The following ZFYVE26 variants were observed in gnomAD, a reference collection of about 807,000 sequenced individuals.
The protein encoded by ZFYVE26 is zinc finger FYVE-type containing 26.
In ZFYVE26, 181 loss-of-function variants were observed where a neutral mutation model predicts 276.5. The ratio of observed to expected loss-of-function variants is 0.65; its 90% CI spans 0.58 to 0.74. ZFYVE26 has a LOEUF of 0.74. ZFYVE26 is among the 30% of genes least tolerant of loss of function. ZFYVE26 has a pLI of 0.00. For missense variants in ZFYVE26, 2,821 were observed against 3,097.9 expected, an observed-to-expected ratio of 0.91 and a Z score of 2.12; for synonymous variants, 1,129 against 1,203.1, an observed-to-expected ratio of 0.94 and a Z score of 1.27.
chr14:67,794,231 C>A lies in ZFYVE26; in HGVS notation c.2341G>T (p.Asp781Tyr). 1 of 1,614,160 alleles carries A rather than the reference C, an allele frequency of 6.2e-7. No individual in the cohort carries two copies. Among genetic ancestry groups the A allele is most frequent in the Non-Finnish European group, 8.5e-7 (1 of 1,179,972 alleles). ...TCCAGGGATGGGTTTGAACCTCTGT[C>A]TCGGCCATCTACAGGTATTGGGAAG... ...RTRRSQADGR[D>Y]RGSNPSLEST... The change falls in exon 13 of 42, where the codon GAC becomes TAC. Residue 781 changes from aspartate (D) to tyrosine (Y), a missense_variant. Physicochemically the swap from Asp to Tyr is radical, Grantham distance 160. Coordinates refer to ENST00000347230, the MANE Select transcript of ZFYVE26 (RefSeq NM_015346.4).
chr14:67,755,998 G>A lies in ZFYVE26; in HGVS notation c.6736C>T (p.Gln2246Ter). The change falls in exon 36 of 42, where the codon CAG (glutamine) becomes TAG (stop). Residue 2246 changes from glutamine to a stop codon, truncating the protein, a stop_gained. Coordinates refer to ENST00000347230, the MANE Select transcript of ZFYVE26 (RefSeq NM_015346.4). LOFTEE classifies it high-confidence loss of function. ...AGAATGTGGTAGTAGTTCTTCTTCT[G>A]TAAATGTTGGCAGGCAGCAATCAAG... ...KYLIAACQHL[Q>*]KKNYYHILYE... is the part of the protein sequence containing the mutation. The A allele has an allele frequency of 1.2e-6, 2 of 1,614,230 alleles. No homozygotes were observed. The highest frequency in any genetic ancestry group is 1.7e-6 in the Non-Finnish European group (2 of 1,180,046).
chr14:67,780,463 C>T, intron 22 of ZFYVE26, 118 bp from the exon 23 acceptor site: 1 of 883,904 alleles, frequency 1.1e-6, no homozygotes, highest in Admixed American at 2.0e-5. Context: ...GTCAGGCTGT[C>T]AGAACTTGCC....
At chr14:67,750,730 T>A (rs2038615440) in intron 41 of ZFYVE26, 1 of 417,460 alleles carries the variant, frequency 2.4e-6, no homozygotes, top group African/African-American at 2.0e-5. Flanking sequence ...CACCCAAAGA[T>A]GGAGGTGAGG....
In ZFYVE26 at chr14:67,789,444, A is replaced by T. The variant is rs573175182; in HGVS notation, c.2910T>A (p.Pro970=). The T allele has an allele frequency of 6.2e-7, 1 of 1,614,212 alleles. No individual in the cohort carries two copies. The highest frequency in any genetic ancestry group is 1.3e-5 in the African/African-American group (1 of 75,048). The change falls in exon 16 of 42, where the codon CCT becomes CCA. Residue 970 remains proline (P), a synonymous_variant. Coordinates refer to ENST00000347230, the MANE Select transcript of ZFYVE26 (RefSeq NM_015346.4). ...AAGCTAGGTCAAATGCAGCCATGGC[A>T]GGGGGACTGAGGTCTTCCAGAACCT... ...LREVLEDLSP[P]AMAAFDLACS...
chr14:67,756,277 T>C lies in ZFYVE26; in HGVS notation c.6589-132A>G, dbSNP rs2038778588. The C allele has an allele frequency of 2.0e-5, 18 of 922,678 alleles. 1 individual carries two copies. The South Asian group carries it at 2.4e-4, about 12-fold the overall frequency. 57.2% of individuals were successfully genotyped at this position (922,678 alleles called of 1,614,324 possible). A position where few individuals can be genotyped will look rare whatever the true frequency, so the allele number is the denominator to read the frequency against. On this transcript the variant is annotated intron_variant, in intron 35 of 41. Transcript: ENST00000347230. Reference sequence around the variant, plus strand: ...ATGCAGTGCTTCTTAATCTTTTATGTGTCACAGATACCTTTGAGAATCTCA... The same window carrying C: ...ATGCAGTGCTTCTTAATCTTTTATGCGTCACAGATACCTTTGAGAATCTCA...
intron 40 of ZFYVE26, 59 bp downstream of exon 40, chr14:67,752,285 T>C (rs557593609): frequency 1.6e-5 from 24 of 1,544,750 alleles, no homozygotes; most frequent in Non-Finnish European, 2.0e-5. Flanking sequence ...ACAATAAAGA[T>C]GGGGATGTGA....
intron 13 of ZFYVE26, chr14:67,735,384 T>C (rs1594871066): frequency 1.4e-6 from 1 of 692,586 alleles, no homozygotes; most frequent in Non-Finnish European, 2.7e-6. Context: ...CTTGGCCTCT[T>C]GTCATGTTTC....
At chr14:67,809,799 T>C (rs1458985052) in intron 3 of ZFYVE26, among the ~76,000 whole-genome samples, 1 of 103,664 alleles carries the variant, frequency 9.6e-6, no homozygotes, top group Non-Finnish European at 2.1e-5. Context: ...TTTTTTTTTT[T>C]TTTGAGATAG....
chr14:67,780,865 G>A (rs770164814), intron 22 of ZFYVE26, among the ~76,000 whole-genome samples: 8 of 152,284 alleles, frequency 5.3e-5, no homozygotes, highest in Non-Finnish European at 1.5e-5. Context: ...TTATGTAGCC[G>A]TGCTTCCTAA....
chr14:67,782,355 A>G (rs1307530584), intron 21 of ZFYVE26, among the ~76,000 whole-genome samples: 2 of 152,156 alleles, frequency 1.3e-5, no homozygotes, highest in African/African-American at 2.4e-5. Flanking sequence ...GGCTGCTTTC[A>G]TGCTGTACTG....
chr14:67,785,012 C>A, intron 19 of ZFYVE26, 47 bp downstream of exon 19: 3 of 1,594,108 alleles, frequency 1.9e-6, no homozygotes, highest in Non-Finnish European at 2.6e-6. Context: ...TTGCCCTGAA[C>A]ACTTGCAGGT....
At chr14:67,729,777 C>T (rs374550894) in exon 14 of ZFYVE26, 6 of 501,984 alleles carry the variant, frequency 1.2e-5, no homozygotes, top group East Asian at 5.5e-5. Flanking sequence ...CCTCTCTCTT[C>T]GGTGTGAACT....
intron 12 of ZFYVE26, among the ~76,000 whole-genome samples, chr14:67,794,512 T>C (rs942119246): frequency 2.6e-5 from 4 of 152,260 alleles, no homozygotes; most frequent in African/African-American, 9.6e-5. Context: ...TTTCAAGTTA[T>C]TTTTAGGGGT....
rs1165265458 is a variant in ZFYVE26, at chr14:67,795,757, G to A, written c.2333-1518C>T. ...AAAAGCCTATAAGTGGAATCAAAAG[G>A]CAAAATAGAGAAAAAAATAATAGCA... is the stretch of plus-strand genomic sequence containing the variant. On this transcript the variant is annotated intron_variant, in intron 12 of 41. Coordinates refer to ENST00000347230, the MANE Select transcript of ZFYVE26 (RefSeq NM_015346.4). 2.6e-5 allele frequency among the ~76,000 whole-genome samples: 4 copies of A among 151,940 alleles called. No individual in the cohort carries two copies. In the East Asian group the frequency reaches 7.7e-4, roughly 29 times the overall value.
In ZFYVE26 at chr14:67,785,109, T is replaced by C. The variant is rs759601120; in HGVS notation, c.3473A>G (p.Tyr1158Cys). Reference protein sequence around the residue: ...QMDYLGTFFSYCSTLAAVLLQ... With the variant: ...QMDYLGTFFSCCSTLAAVLLQ... Reference sequence around the variant, plus strand: ...GAGAACTGCAGCAAGGGTGCTGCAGTAACTGAAGAAGGTGCCCAAGTAGTC... The same window carrying C: ...GAGAACTGCAGCAAGGGTGCTGCAGCAACTGAAGAAGGTGCCCAAGTAGTC... Residue 1158 changes from tyrosine (Y) to cysteine (C), a missense_variant, in exon 19 of 42, where the codon TAC becomes TGC. Tyr to Cys is a radical substitution (Grantham distance 194, BLOSUM62 -2). Coordinates refer to ENST00000347230, the MANE Select transcript of ZFYVE26 (RefSeq NM_015346.4). The C allele has an allele frequency of 6.2e-7, 1 of 1,614,208 alleles. No homozygotes were observed. The highest frequency in any genetic ancestry group is 8.5e-7 in the Non-Finnish European group (1 of 1,180,036).
chr14:67,739,816 T>C (rs1014783964), intron 13 of ZFYVE26, among the ~76,000 whole-genome samples: 9 of 152,242 alleles, frequency 5.9e-5, no homozygotes, highest in Admixed American at 1.3e-4. Context: ...CATATGGATA[T>C]ATAATCTATA....
chr14:67,801,132 T>C (rs989711098), intron 10 of ZFYVE26, among the ~76,000 whole-genome samples: 15 of 151,778 alleles, frequency 9.9e-5, no homozygotes, highest in Non-Finnish European at 2.1e-4. Context: ...GAGCCTATAA[T>C]CCCAGCTACT....
intron 12 of ZFYVE26, among the ~76,000 whole-genome samples, chr14:67,794,493 C>A (rs1161883848): frequency 4.6e-5 from 7 of 152,154 alleles, no homozygotes; most frequent in Admixed American, 3.3e-4. Context: ...GTCTCAGAGC[C>A]CCAAGAACTT....
chr14:67,730,030 G>A (rs1276385661), intron 13 of ZFYVE26, among the ~76,000 whole-genome samples: 1 of 152,226 alleles, frequency 6.6e-6, no homozygotes, highest in Non-Finnish European at 1.5e-5. Flanking sequence ...TAGTCTTAGT[G>A]TCTGATGAGA....
Sources: allele counts gnomAD v4.1 joint callset (sites outside exome capture counted in the v4.1 genomes callset), GRCh38; gene constraint gnomAD v4.1.1; transcripts MANE v1.5; gene names NCBI Gene and HGNC (gene_info 2026-07-23, HGNC 2026-07-21).